Variants in ITGA1 observed in about 807,000 individuals in gnomAD.
ITGA1 encodes the protein integrin subunit alpha 1.
A neutral mutation model predicts 145.9 loss-of-function variants in ITGA1; 85 were observed. The ratio of observed to expected loss-of-function variants is 0.58; its 90% CI spans 0.49 to 0.70. The LOEUF is 0.70. ITGA1 is among the 30% of genes least tolerant of loss of function. The pLI, the probability that ITGA1 is intolerant of heterozygous loss-of-function variation, is 0.00. For synonymous variants in ITGA1, 520 were observed against 495.3 expected, an observed-to-expected ratio of 1.05 and a Z score of -0.66; for missense variants, 1,351 against 1,418.7, an observed-to-expected ratio of 0.95 and a Z score of 0.77.
intron 1 of ITGA1, chr5:52,801,282 A>G: frequency 8.7e-7 from 1 of 1,143,228 alleles, no homozygotes; most frequent in Non-Finnish European, 1.2e-6. Flanking sequence ...TGTCTAGCAA[A>G]TTTATGGAGT....
At chr5:52,821,920 T>C (rs1748885782) in intron 1 of ITGA1, among the ~76,000 whole-genome samples, 1 of 152,236 alleles carries the variant, frequency 6.6e-6, no homozygotes, top group East Asian at 1.9e-4. Flanking sequence ...GTTTTTATCA[T>C]AAGCTGTATG....
chr5:52,842,265 C>T (rs1247979277), intron 1 of ITGA1, among the ~76,000 whole-genome samples: 1 of 152,138 alleles, frequency 6.6e-6, no homozygotes, highest in Non-Finnish European at 1.5e-5. Flanking sequence ...CATCTGTACT[C>T]CTCCTCCCTG....
chr5:52,953,642 A>G lies in ITGA1; in HGVS notation c.*1191A>G, dbSNP rs2111565301. 1 of 152,358 alleles carries G rather than the reference A, an allele frequency of 6.6e-6. No individual in the cohort carries two copies. Among genetic ancestry groups the G allele is most frequent in the East Asian group, 1.9e-4 (1 of 5,184 alleles). The allele number at this position is 152,358 out of a possible 1,614,324, so 9.4% of individuals were successfully genotyped here. A position where few individuals can be genotyped will look rare whatever the true frequency, so the allele number is the denominator to read the frequency against. ...ATTTCAGGTTTGAAAACTCAAACCA[A>G]CAGGAAGATATCACACCTTTGTATG... On this transcript the variant is annotated 3_prime_UTR_variant, in exon 29 of 29. Coordinates refer to ENST00000282588, the MANE Select transcript of ITGA1 (RefSeq NM_181501.2).
rs10471816 is a variant in ITGA1 at position 52,821,413 on chromosome 5, T to G, written c.62-27952T>G. On this transcript the variant is annotated intron_variant, in intron 1 of 28. Coordinates refer to ENST00000282588, the MANE Select transcript of ITGA1 (RefSeq NM_181501.2). ...TGGCCCCACTGATATTCATAAAAAA[T>G]AAGAATATTCCCTCCCAATGAATGT... 6.7e-3 allele frequency among the ~76,000 whole-genome samples: 1,018 copies of G among 152,228 alleles called. 12 individuals carry two copies. Among genetic ancestry groups the G allele is most frequent in the African/African-American group, 0.023 (968 of 41,552 alleles).
chr5:52,896,310 C>A (rs772221585), intron 9 of ITGA1, among the ~76,000 whole-genome samples: 1 of 152,142 alleles, frequency 6.6e-6, no homozygotes. Context: ...GTTTCCGTTG[C>A]TGCATTCTTA....
At chr5:52,804,221 G>C (rs1748546269) in intron 1 of ITGA1, among the ~76,000 whole-genome samples, 2 of 152,182 alleles carry the variant, frequency 1.3e-5, no homozygotes, top group African/African-American at 4.8e-5. Context: ...TATTGGATAT[G>C]TGATAAAAAC....
At chr5:52,929,025 C>T (rs999376245) in intron 20 of ITGA1, among the ~76,000 whole-genome samples, 4 of 152,158 alleles carry the variant, frequency 2.6e-5, no homozygotes, top group African/African-American at 9.7e-5. Flanking sequence ...GCTGTCCAAA[C>T]CAATGACCTC....
intron 6 of ITGA1, among the ~76,000 whole-genome samples, chr5:52,880,600 A>G (rs553162862): frequency 6.6e-6 from 1 of 152,326 alleles, no homozygotes; most frequent in South Asian, 2.1e-4. Flanking sequence ...CTGAGCCTTC[A>G]TGCTACTTAA....
chr5:52,800,515 G>T (rs532592445), intron 1 of ITGA1: 3 of 1,614,106 alleles, frequency 1.9e-6, no homozygotes, highest in Admixed American at 1.7e-5. Context: ...CAGCCTGCGC[G>T]CCTCCACCAT....
chr5:52,922,666 C>A (rs909356227), intron 17 of ITGA1, 111 bp from the exon 18 acceptor site: 4 of 711,516 alleles, frequency 5.6e-6, no homozygotes, highest in Non-Finnish European at 9.8e-6. Context: ...ATTAGATGCA[C>A]AAGAATGCTG....
intron 14 of ITGA1, 21 bp downstream of exon 14, chr5:52,910,440 AT>A (rs1213640716): frequency 6.2e-7 from 1 of 1,602,538 alleles, no homozygotes; most frequent in East Asian, 2.2e-5. Flanking sequence ...AAACCTACAG[AT>A]TCCCACCCTT....
intron 1 of ITGA1, among the ~76,000 whole-genome samples, chr5:52,791,224 G>C (rs1225950838): frequency 6.6e-6 from 1 of 152,328 alleles, no homozygotes; most frequent in East Asian, 1.9e-4. Flanking sequence ...GTTTCATAAA[G>C]TGACAGTTTA....
intron 1 of ITGA1, among the ~76,000 whole-genome samples, chr5:52,846,716 A>T (rs895210023): frequency 2.6e-5 from 4 of 152,220 alleles, no homozygotes; most frequent in East Asian, 1.9e-4. Flanking sequence ...TGCTTCCTTC[A>T]TGCCAGCTAG....
chr5:52,945,333 C>T (rs771732357), intron 27 of ITGA1, among the ~76,000 whole-genome samples: 1 of 152,144 alleles, frequency 6.6e-6, no homozygotes, highest in Non-Finnish European at 1.5e-5. Context: ...ACAAATGATG[C>T]AGTTGTAACT....
At chr5:52,891,585 A>C (rs902842222) in intron 8 of ITGA1, among the ~76,000 whole-genome samples, 4 of 150,786 alleles carry the variant, frequency 2.7e-5, no homozygotes, top group African/African-American at 9.7e-5. Flanking sequence ...AACCAAAGTG[A>C]TAATCTTCAG....
chr5:52,801,573 G>A, intron 1 of ITGA1: 1 of 1,614,166 alleles, frequency 6.2e-7, no homozygotes, highest in Non-Finnish European at 8.5e-7. Flanking sequence ...ATGGACTCAA[G>A]CAGGTGGAGA....
intron 6 of ITGA1, among the ~76,000 whole-genome samples, chr5:52,877,783 C>A (rs1245768347): frequency 6.6e-6 from 1 of 152,168 alleles, no homozygotes; most frequent in Non-Finnish European, 1.5e-5. Context: ...CCCTTGAATT[C>A]TTTCCTGAGC....
At chr5:52,952,057 G>C (rs1283304821) in intron 28 of ITGA1, among the ~76,000 whole-genome samples, 1 of 151,986 alleles carries the variant, frequency 6.6e-6, no homozygotes. Context: ...GGGCATGGTG[G>C]TGCATGCCTG....
At chr5:52,860,149 T>C (rs1332974190) in intron 2 of ITGA1, among the ~76,000 whole-genome samples, 3 of 152,244 alleles carry the variant, frequency 2.0e-5, no homozygotes, top group Non-Finnish European at 4.4e-5. Context: ...AATTCCTAAG[T>C]ATGTATATTG....
Sources: allele counts gnomAD v4.1 joint callset (sites outside exome capture counted in the v4.1 genomes callset), GRCh38; gene constraint gnomAD v4.1.1; transcripts MANE v1.5; gene names NCBI Gene and HGNC (gene_info 2026-07-23, HGNC 2026-07-21).